Variants in WFDC11 observed in about 807,000 individuals in gnomAD.
WFDC11 encodes the protein protein WFDC11.
WFDC11 carries 9 observed loss-of-function variants against 9.9 expected under a neutral mutation model. The observed-to-expected ratio is 0.91, with a 90% CI of 0.55 to 1.58. The LOEUF (loss-of-function observed/expected upper bound fraction) is 1.58, where lower values mean the gene tolerates loss of function less well. WFDC11 is among the 40% of genes most tolerant of loss of function. The pLI, the probability that WFDC11 is intolerant of heterozygous loss-of-function variation, is 0.00. For synonymous variants in WFDC11, 32 were observed against 33.3 expected, an observed-to-expected ratio of 0.96 and a Z score of 0.13; for missense variants, 106 against 101.7, an observed-to-expected ratio of 1.04 and a Z score of -0.18.
chr20:45,654,572 A>C (rs1982880594), intron 2 of WFDC11, among the ~76,000 whole-genome samples: 1 of 152,204 alleles, frequency 6.6e-6, no homozygotes, highest in African/African-American at 2.4e-5. Flanking sequence ...GGCAAGAAAT[A>C]ACTAAGATCA....
At chr20:45,655,353 G>A (rs1028214752) in intron 2 of WFDC11, among the ~76,000 whole-genome samples, 1 of 152,188 alleles carries the variant, frequency 6.6e-6, no homozygotes, top group Admixed American at 6.5e-5. Context: ...CTCAATGGAG[G>A]CAGAAAAGGC....
In WFDC11 at chr20:45,666,065, C is replaced by T. The variant is rs1208219049; in HGVS notation, c.-52+1023G>A. Among the ~76,000 whole-genome samples, 5 of 152,284 alleles carry T rather than the reference C, an allele frequency of 3.3e-5. 1 individual carries two copies. The highest frequency in any genetic ancestry group is 2.9e-5 in the Non-Finnish European group (2 of 68,012). ...TAGAGGCCTAGGCCTTGCTGAGCTG[C>T]GATGGGCTCTGCCTAATTTGAGCTT... is the stretch of plus-strand genomic sequence containing the variant. On this transcript the variant is annotated intron_variant, in intron 2 of 4. Coordinates refer to ENST00000324384, the MANE Select transcript of WFDC11 (RefSeq NM_147197.2).
chr20:45,654,129 T>A (rs1982869714), intron 2 of WFDC11, among the ~76,000 whole-genome samples: 1 of 152,210 alleles, frequency 6.6e-6, no homozygotes, highest in African/African-American at 2.4e-5. Flanking sequence ...AGAATATACA[T>A]TCTTCTCAGC....
chr20:45,657,526 A>G (rs545904178), intron 2 of WFDC11, among the ~76,000 whole-genome samples: 42 of 152,276 alleles, frequency 2.8e-4, no homozygotes, highest in African/African-American at 8.7e-4. Context: ...TGGCACATGT[A>G]TACATGTGTA....
intron 4 of WFDC11, among the ~76,000 whole-genome samples, 172 bp from the exon 5 acceptor site, chr20:45,648,911 G>A (rs753707687): frequency 2.6e-5 from 4 of 152,196 alleles, no homozygotes; most frequent in Non-Finnish European, 4.4e-5. Flanking sequence ...AAAAAAAGGT[G>A]GAGACTTTGG....
chr20:45,667,875 C>T (rs1307021969), intron 1 of WFDC11, among the ~76,000 whole-genome samples: 2 of 152,196 alleles, frequency 1.3e-5, no homozygotes, highest in Non-Finnish European at 1.5e-5. Flanking sequence ...ACCAATAAAA[C>T]ACTTATTGAA....
Position 45,649,271 on chromosome 20 carries a change from A to G in WFDC11, c.229T>C (p.Cys77Arg), listed in dbSNP as rs748071201. The G allele has an allele frequency of 1.9e-6, 3 of 1,614,024 alleles. No homozygotes were observed. Among genetic ancestry groups the G allele is most frequent in the African/African-American group, 2.7e-5 (2 of 74,926 alleles). Residue 77 changes from cysteine (C) to arginine (R), a missense_variant, in exon 4 of 5, where the codon TGC becomes CGC. Coordinates refer to ENST00000324384, the MANE Select transcript of WFDC11 (RefSeq NM_147197.2). ...TCCCAACTCACGACGTTTATCCAGC[A>G]GATGTTTCCACAATAGGTCCAGCAG... is the stretch of plus-strand genomic sequence containing the variant. ...TCCWTYCGNI[C>R]WINVETSGDY
intron 2 of WFDC11, among the ~76,000 whole-genome samples, chr20:45,654,384 G>C (rs113611698): frequency 9.8e-5 from 15 of 152,302 alleles, no homozygotes; most frequent in East Asian, 7.7e-4. Context: ...TGAAACCAAT[G>C]AGAACAAAGA....
intron 2 of WFDC11, among the ~76,000 whole-genome samples, chr20:45,666,020 G>A (rs1279829436): frequency 2.0e-5 from 3 of 152,214 alleles, no homozygotes; most frequent in East Asian, 3.9e-4. Context: ...GATATGCCCT[G>A]CCCACAGTGG....
chr20:45,670,077 AC>A (rs1484137343), intron 1 of WFDC11, 100 bp downstream of exon 1: 8 of 152,070 alleles, frequency 5.3e-5, no homozygotes, highest in African/African-American at 1.4e-4. Context: ...AAAATTGATA[AC>A]CTCTTGGAAT....
intron 2 of WFDC11, among the ~76,000 whole-genome samples, chr20:45,653,475 A>C (rs1982855427): frequency 1.3e-5 from 2 of 152,190 alleles, no homozygotes; most frequent in South Asian, 2.1e-4. Flanking sequence ...CACTTGAAAA[A>C]CATGCCAAAT....
rs1434355510 is a variant in WFDC11, at chr20:45,649,283, A to AATAG, written c.213_216dup (p.Cys73LeufsTer20). ...ACGTTTATCCAGCAGATGTTTCCAC[A>AATAG]ATAGGTCCAGCAGCATGTGTAATTT... On this transcript the variant is annotated frameshift_variant, in exon 4 of 5. Coordinates refer to ENST00000324384, the MANE Select transcript of WFDC11 (RefSeq NM_147197.2). LOFTEE classifies it low-confidence loss of function (END_TRUNC). 1 of 1,614,062 alleles carries AATAG rather than the reference A, an allele frequency of 6.2e-7. No homozygotes were observed. Among genetic ancestry groups the AATAG allele is most frequent in the East Asian group, 2.2e-5 (1 of 44,900 alleles).
chr20:45,661,821 C>G (rs1299140925), intron 2 of WFDC11, among the ~76,000 whole-genome samples: 8 of 151,984 alleles, frequency 5.3e-5, no homozygotes, highest in African/African-American at 1.9e-4. Context: ...GTTACTGTAG[C>G]CTTGTAGTAT....
At chr20:45,660,211 G>T (rs1983026079) in intron 2 of WFDC11, among the ~76,000 whole-genome samples, 1 of 152,078 alleles carries the variant, frequency 6.6e-6, no homozygotes, top group African/African-American at 2.4e-5. Context: ...TTGATAGGTT[G>T]TGTCACTATT....
intron 2 of WFDC11, among the ~76,000 whole-genome samples, chr20:45,655,419 G>T (rs6104275): frequency 0.023 from 3,482 of 152,302 alleles, 143 homozygotes; most frequent in African/African-American, 0.08. Context: ...ATTAGGTATT[G>T]ATGGGATGTA....
chr20:45,651,464 T>C (rs1248132502), intron 2 of WFDC11, among the ~76,000 whole-genome samples: 1 of 152,180 alleles, frequency 6.6e-6, no homozygotes, highest in Non-Finnish European at 1.5e-5. Context: ...TTCATTTTCA[T>C]GAAAATGAAC....
At chr20:45,654,277 T>G (rs1376454863) in intron 2 of WFDC11, among the ~76,000 whole-genome samples, 2 of 152,146 alleles carry the variant, frequency 1.3e-5, no homozygotes, top group South Asian at 2.1e-4. Context: ...ATTAAGAAAC[T>G]CACTCAAAAC....
chr20:45,650,211 T>TACACAC (rs142774065), intron 3 of WFDC11, among the ~76,000 whole-genome samples: 2 of 150,602 alleles, frequency 1.3e-5, no homozygotes, highest in African/African-American at 4.9e-5. Flanking sequence ...ATGGTATATA[T>TACACAC]ACACACACAC....
Position 45,648,596 on chromosome 20 carries a change from C to T in WFDC11, c.*123G>A. On this transcript the variant is annotated 3_prime_UTR_variant, in exon 5 of 5. Coordinates refer to ENST00000324384, the MANE Select transcript of WFDC11 (RefSeq NM_147197.2). Reference sequence around the variant, plus strand: ...AATAAGTTTATTTGTCAAGTGTTTGCTGTTGTCCAGCTCTCAGTAAAAATA... The same window carrying T: ...AATAAGTTTATTTGTCAAGTGTTTGTTGTTGTCCAGCTCTCAGTAAAAATA... 1 of 1,042,148 alleles carries T rather than the reference C, an allele frequency of 9.6e-7. No individual in the cohort carries two copies. The highest frequency in any genetic ancestry group is 1.4e-6 in the Non-Finnish European group (1 of 700,478). 64.6% of individuals were successfully genotyped at this position (1,042,148 alleles called of 1,614,324 possible).
Sources: gnomAD v4.1 joint callset for allele counts (sites outside exome capture counted in the v4.1 genomes callset) on GRCh38, gnomAD v4.1.1 for gene constraint, MANE v1.5 for transcripts, NCBI Gene and HGNC (gene_info 2026-07-23, HGNC 2026-07-21) for gene names.